The following PLA2R1 variants were observed in gnomAD, a reference collection of about 807,000 sequenced individuals.
The protein encoded by PLA2R1 is phospholipase A2 receptor 1.
In PLA2R1, 158 loss-of-function variants were observed where a neutral mutation model predicts 195.9. That is an observed-to-expected ratio of 0.81 (90% CI 0.71 to 0.92). The LOEUF (loss-of-function observed/expected upper bound fraction) is 0.92, where lower values mean the gene tolerates loss of function less well. PLA2R1 is among the 40% of genes least tolerant of loss of function. The pLI, the probability that PLA2R1 is intolerant of heterozygous loss-of-function variation, is 0.00. For missense variants in PLA2R1, 1,626 were observed against 1,764.6 expected, an observed-to-expected ratio of 0.92 and a Z score of 1.41; for synonymous variants, 586 against 598.2, an observed-to-expected ratio of 0.98 and a Z score of 0.30.
At chr2:159,948,205 C>T (rs1238766465) in intron 25 of PLA2R1, among the ~76,000 whole-genome samples, 4 of 152,012 alleles carry the variant, frequency 2.6e-5, no homozygotes, top group Non-Finnish European at 5.9e-5. Flanking sequence ...AGAGAGCTAA[C>T]AACAAAACCT....
chr2:159,957,120 C>A (rs1688142538), intron 20 of PLA2R1, among the ~76,000 whole-genome samples: 1 of 152,078 alleles, frequency 6.6e-6, no homozygotes, highest in Admixed American at 6.6e-5. Context: ...ATACTTGAGT[C>A]AGCCATTTGG....
intron 3 of PLA2R1, among the ~76,000 whole-genome samples, chr2:160,034,757 ACC>A (rs1694069715): frequency 1.3e-5 from 2 of 152,078 alleles, no homozygotes; most frequent in Non-Finnish European, 2.9e-5. Flanking sequence ...ACAAAGCAAG[ACC>A]CTATCACTAC....
In PLA2R1 at chr2:159,987,158, T is replaced by C. The variant is rs748831124; in HGVS notation, c.2035A>G (p.Lys679Glu). Residue 679 changes from lysine to glutamate, a missense_variant and splice_region_variant, in exon 12 of 30, where the codon AAG becomes GAG. Transcript: ENST00000283243. Reference sequence around the variant, plus strand: ...TGTCCATGTAACCTTGGTATCACCTTGAAGCAACTGGCCAGACCAGGCTCT... The same window carrying C: ...TGTCCATGTAACCTTGGTATCACCTCGAAGCAACTGGCCAGACCAGGCTCT... ...ESEPGLASCF[K>E]VFHSEKVLMK... is the part of the protein sequence containing the mutation. 6.2e-7 allele frequency: 1 copy of C among 1,610,994 alleles called. No individual in the cohort carries two copies. Among genetic ancestry groups the C allele is most frequent in the South Asian group, 1.1e-5 (1 of 91,010 alleles).
Position 160,028,926 on chromosome 2 carries a change from GC to G in PLA2R1, c.878del (p.Gly293AlafsTer22). ...MSSKTVEVWM[G>X]LNQLDEHAGW... Reference sequence around the variant, plus strand: ...CAGCGTGTTCATCCAGCTGATTGAGGCCCATCCACACCTCCACTGTTTTACT... The same window carrying G: ...CAGCGTGTTCATCCAGCTGATTGAGGCCATCCACACCTCCACTGTTTTACT... On this transcript the variant is annotated frameshift_variant, in exon 5 of 30. Coordinates refer to ENST00000283243, the MANE Select transcript of PLA2R1 (RefSeq NM_007366.5). LOFTEE classifies it high-confidence loss of function. 6.2e-7 allele frequency: 1 copy of G among 1,607,852 alleles called. No individual in the cohort carries two copies. The highest frequency in any genetic ancestry group is 8.5e-7 in the Non-Finnish European group (1 of 1,174,092).
rs148257128 is a variant in PLA2R1 at position 160,052,550 on chromosome 2, C to T, written c.110-7393G>A. ...ACTGGAAAGTACTTAACAAACATTG[C>T]TGGTATAAAAATCATTATTCACAAC... On this transcript the variant is annotated intron_variant, in intron 1 of 29. Transcript: ENST00000283243. 1.5e-3 allele frequency among the ~76,000 whole-genome samples: 234 copies of T among 152,310 alleles called. 2 individuals are homozygous for T. In the Middle Eastern group the frequency reaches 0.054, roughly 35 times the overall value.
intron 10 of PLA2R1, among the ~76,000 whole-genome samples, chr2:160,009,716 TACC>T (rs1198615800): frequency 1.8e-5 from 2 of 108,212 alleles, no homozygotes; most frequent in Admixed American, 8.2e-5. Context: ...ACGTATATTT[TACC>T]ACAATAAAAA....
At chr2:160,040,241 G>C (rs1203527986) in intron 3 of PLA2R1, among the ~76,000 whole-genome samples, 1 of 151,992 alleles carries the variant, frequency 6.6e-6, no homozygotes, top group Non-Finnish European at 1.5e-5. Context: ...TCTGGTTGGT[G>C]AATAGCCACT....
At chr2:159,971,205 G>C (rs1033849659) in intron 17 of PLA2R1, among the ~76,000 whole-genome samples, 2 of 152,036 alleles carry the variant, frequency 1.3e-5, no homozygotes, top group African/African-American at 2.4e-5. Context: ...TGGAATTTTA[G>C]TAGATTATAA....
chr2:159,942,002 G>T lies in PLA2R1; in HGVS notation c.4178-10C>A. The stretch of plus-strand genomic sequence containing the variant: ...ATGCTGTGACTTGGTCCTGAAAGAA[G>T]ATATTTTTCTTAAAAAAAGAAAAAC... On this transcript the variant is annotated splice_polypyrimidine_tract_variant and intron_variant, in intron 29 of 29. Coordinates refer to ENST00000283243, the MANE Select transcript of PLA2R1 (RefSeq NM_007366.5). The T allele has an allele frequency of 1.2e-6, 2 of 1,606,468 alleles. No homozygotes were observed. Among genetic ancestry groups the T allele is most frequent in the Non-Finnish European group, 1.7e-6 (2 of 1,175,350 alleles).
intron 1 of PLA2R1, among the ~76,000 whole-genome samples, chr2:160,051,040 C>A (rs1018619392): frequency 6.6e-6 from 1 of 152,184 alleles, no homozygotes; most frequent in Non-Finnish European, 1.5e-5. Flanking sequence ...TACTGTTAAG[C>A]CTTTGTGAAG....
intron 19 of PLA2R1, among the ~76,000 whole-genome samples, chr2:159,968,457 ACG>A (rs1688931135): frequency 6.6e-6 from 1 of 152,184 alleles, no homozygotes. Flanking sequence ...ATTCTCCCAG[ACG>A]CTCAAAACAG....
chr2:160,001,308 A>G (rs1691578874), intron 11 of PLA2R1, among the ~76,000 whole-genome samples: 1 of 152,136 alleles, frequency 6.6e-6, no homozygotes, highest in Non-Finnish European at 1.5e-5. Flanking sequence ...AGATTTAGAT[A>G]ATACAATTTT....
chr2:160,015,337 T>C (rs372119104), intron 9 of PLA2R1, among the ~76,000 whole-genome samples: 3 of 152,218 alleles, frequency 2.0e-5, no homozygotes, highest in East Asian at 1.9e-4. Flanking sequence ...GAGAATTGCA[T>C]TGAAGCAACT....
At chr2:160,001,073 C>T (rs753300972) in intron 11 of PLA2R1, among the ~76,000 whole-genome samples, 1 of 152,044 alleles carries the variant, frequency 6.6e-6, no homozygotes, top group African/African-American at 2.4e-5. Context: ...TGAAGGTGTT[C>T]CAGATCACAG....
chr2:160,006,133 T>C (rs1691966357), intron 10 of PLA2R1, among the ~76,000 whole-genome samples: 1 of 152,180 alleles, frequency 6.6e-6, no homozygotes, highest in African/African-American at 2.4e-5. Flanking sequence ...GCAATGCATT[T>C]CTTGGAGTAC....
chr2:160,051,477 G>C (rs1695209343), intron 1 of PLA2R1, among the ~76,000 whole-genome samples: 1 of 152,212 alleles, frequency 6.6e-6, no homozygotes, highest in Non-Finnish European at 1.5e-5. Flanking sequence ...ATGCAGTCCA[G>C]AAGGAAATGG....
intron 1 of PLA2R1, among the ~76,000 whole-genome samples, chr2:160,050,895 C>T (rs1315294645): frequency 2.0e-5 from 3 of 152,254 alleles, no homozygotes; most frequent in South Asian, 2.1e-4. Context: ...CTCCTGAGGC[C>T]TCTGCACTTG....
intron 9 of PLA2R1, 110 bp downstream of exon 9, chr2:160,016,486 GAGAGAGAGAGAGATGAAA>G: frequency 1.8e-6 from 1 of 553,292 alleles, no homozygotes; most frequent in Non-Finnish European, 3.3e-6. Context: ...GGGGTGCGAG[GAGAGAGAGAGAGATGAAA>G]GAGAGGAGAG....
At chr2:160,027,026 G>A (rs1273890295) in intron 6 of PLA2R1, among the ~76,000 whole-genome samples, 3 of 152,132 alleles carry the variant, frequency 2.0e-5, no homozygotes, top group Non-Finnish European at 2.9e-5. Context: ...CCAGCTACTC[G>A]AGAGGCTGAG....
Sources: gnomAD v4.1 joint callset for allele counts (sites outside exome capture counted in the v4.1 genomes callset) on GRCh38, gnomAD v4.1.1 for gene constraint, MANE v1.5 for transcripts, NCBI Gene and HGNC (gene_info 2026-07-23, HGNC 2026-07-21) for gene names.